FABP6: variants seen among roughly 807,000 people sequenced by gnomAD.
The protein encoded by FABP6 is gastrotropin.
A neutral mutation model predicts 14.9 loss-of-function variants in FABP6; 13 were observed. That is an observed-to-expected ratio of 0.87 (90% CI 0.57 to 1.39). The LOEUF (loss-of-function observed/expected upper bound fraction) is 1.39. FABP6 is among the 40% of genes most tolerant of loss of function. The pLI, the probability that FABP6 is intolerant of heterozygous loss-of-function variation, is 0.00. For synonymous variants in FABP6, 75 were observed against 63.6 expected (o/e 1.18, Z -0.85); for missense variants, 161 against 167.2 (o/e 0.96, Z 0.20).
intron 3 of FABP6, among the ~76,000 whole-genome samples, chr5:160,215,040 A>G (rs1468670808): frequency 6.6e-6 from 1 of 152,188 alleles, no homozygotes; most frequent in East Asian, 1.9e-4. Context: ...AGTTGCCTCA[A>G]ATAACACTGT....
intron 2 of FABP6, among the ~76,000 whole-genome samples, chr5:160,210,491 T>A (rs1580908420): frequency 2.0e-5 from 3 of 152,060 alleles, no homozygotes; most frequent in Admixed American, 2.0e-4. Context: ...GTGGGGTAGA[T>A]CATGTGGGGA....
chr5:160,207,723 CTTTT>C (rs139123590), intron 2 of FABP6, among the ~76,000 whole-genome samples: 3 of 124,310 alleles, frequency 2.4e-5, no homozygotes, highest in Non-Finnish European at 3.4e-5. Context: ...TCTTTACCTC[CTTTT>C]TTTTTTTTTT....
intron 2 of FABP6, among the ~76,000 whole-genome samples, chr5:160,209,209 A>T (rs1272985564): frequency 6.6e-6 from 1 of 152,094 alleles, no homozygotes; most frequent in African/African-American, 2.4e-5. Flanking sequence ...GCAACAGAGC[A>T]AGACCCTTTC....
intron 2 of FABP6, among the ~76,000 whole-genome samples, chr5:160,204,075 G>A (rs1177565008): frequency 1.3e-5 from 2 of 151,020 alleles, no homozygotes; most frequent in East Asian, 2.0e-4. Flanking sequence ...CCAGGCAGAG[G>A]TTGCAGTGAG....
At chr5:160,203,147 C>T (rs1039913240) in intron 2 of FABP6, among the ~76,000 whole-genome samples, 3 of 152,066 alleles carry the variant, frequency 2.0e-5, no homozygotes, top group Non-Finnish European at 4.4e-5. Context: ...GGTGATCTGC[C>T]CACCTTGGCT....
chr5:160,208,801 G>C (rs1229853837), intron 2 of FABP6, among the ~76,000 whole-genome samples: 1 of 148,116 alleles, frequency 6.8e-6, no homozygotes, highest in Non-Finnish European at 1.5e-5. Context: ...TTTTTGTAGG[G>C]AGTCTCACTC....
At position 160,220,237 on chromosome 5, in the gene FABP6, A is replaced by C. The variant is rs116372956; in HGVS notation, c.135+6418A>C. 4.6e-3 allele frequency among the ~76,000 whole-genome samples: 701 copies of C among 152,304 alleles called. 6 individuals carry two copies. Among genetic ancestry groups the C allele is most frequent in the African/African-American group, 0.016 (668 of 41,574 alleles). On this transcript the variant is annotated intron_variant, in intron 3 of 6. Transcript: ENST00000393980. Reference sequence around the variant, plus strand: ...TCAACAATCACCTGTGAAATGCTAGATCCTGTACTAAGCACTTTTGCTATG... The same window carrying C: ...TCAACAATCACCTGTGAAATGCTAGCTCCTGTACTAAGCACTTTTGCTATG...
intron 1 of FABP6, among the ~76,000 whole-genome samples, chr5:160,191,989 A>G (rs1759404136): frequency 1.3e-5 from 2 of 151,906 alleles, no homozygotes; most frequent in African/African-American, 2.4e-5. Flanking sequence ...AAGAAAAAAA[A>G]GAAAAAAAAA....
At chr5:160,237,878 T>C (rs961329445) in intron 3 of FABP6, among the ~76,000 whole-genome samples, 1 of 152,196 alleles carries the variant, frequency 6.6e-6, no homozygotes, top group African/African-American at 2.4e-5. Context: ...CCAAATCCAA[T>C]TCTTCAGGAT....
chr5:160,193,912 G>A (rs983454180), intron 1 of FABP6, among the ~76,000 whole-genome samples: 5 of 135,278 alleles, frequency 3.7e-5, no homozygotes, highest in Admixed American at 7.1e-5. Flanking sequence ...TCAGCCCTTG[G>A]GCGGTCGATG....
At chr5:160,204,497 A>C (rs2032837) in intron 2 of FABP6, among the ~76,000 whole-genome samples, 1 of 151,702 alleles carries the variant, frequency 6.6e-6, no homozygotes, top group Non-Finnish European at 1.5e-5. Context: ...TTCCTTTTTT[A>C]GGGGGGGTGG....
At chr5:160,236,657 C>G (rs1304149065) in intron 3 of FABP6, among the ~76,000 whole-genome samples, 1 of 152,074 alleles carries the variant, frequency 6.6e-6, no homozygotes, top group African/African-American at 2.4e-5. Context: ...TTTTATCCCC[C>G]TTTAACATTT....
intron 1 of FABP6, among the ~76,000 whole-genome samples, chr5:160,231,401 G>GAATA (rs1760377891): frequency 1.3e-5 from 2 of 152,218 alleles, no homozygotes; most frequent in South Asian, 2.1e-4. Flanking sequence ...TCTTTCTCTG[G>GAATA]CAGGGAGGAG....
chr5:160,224,456 G>A (rs1760199843), intron 3 of FABP6, among the ~76,000 whole-genome samples: 1 of 152,002 alleles, frequency 6.6e-6, no homozygotes, highest in African/African-American at 2.4e-5. Flanking sequence ...TTAATAAGCT[G>A]AAAATGTCTT....
At chr5:160,234,389 T>G (rs1326690558) in intron 2 of FABP6, among the ~76,000 whole-genome samples, 1 of 151,028 alleles carries the variant, frequency 6.6e-6, no homozygotes, top group East Asian at 1.9e-4. Context: ...ACTTTTTTTT[T>G]TTTTTTTTTT....
At chr5:160,208,207 A>G (rs957688148) in intron 2 of FABP6, among the ~76,000 whole-genome samples, 1 of 152,082 alleles carries the variant, frequency 6.6e-6, no homozygotes, top group African/African-American at 2.4e-5. Context: ...CTTTGAAAGG[A>G]TGAGGCAAGA....
chr5:160,213,387 G>A (rs576472690), intron 2 of FABP6, among the ~76,000 whole-genome samples: 1 of 152,304 alleles, frequency 6.6e-6, no homozygotes, highest in East Asian at 1.9e-4. Flanking sequence ...TATGCCCAGG[G>A]AAATGGTGGC....
At chr5:160,217,866 CT>C (rs1561749768) in intron 3 of FABP6, among the ~76,000 whole-genome samples, 18 of 152,014 alleles carry the variant, frequency 1.2e-4, no homozygotes, top group Non-Finnish European at 1.5e-5. Context: ...TCATCTCAAA[CT>C]CCTGGGCTCA....
intron 1 of FABP6, among the ~76,000 whole-genome samples, chr5:160,231,669 T>G (rs1760385483): frequency 6.6e-6 from 1 of 152,180 alleles, no homozygotes; most frequent in African/African-American, 2.4e-5. Context: ...GAGCTGGGAT[T>G]ACAGGCATGA....
Sources: allele counts gnomAD v4.1 joint callset (sites outside exome capture counted in the v4.1 genomes callset), GRCh38; gene constraint gnomAD v4.1.1; transcripts MANE v1.5; gene names NCBI Gene and HGNC (gene_info 2026-07-23, HGNC 2026-07-21).